The following INPP5A variants were observed in gnomAD, a reference collection of about 807,000 sequenced individuals.
INPP5A encodes inositol polyphosphate-5-phosphatase A.
Under a neutral mutation model 65.2 loss-of-function variants are expected in INPP5A, and 14 were observed. The ratio of observed to expected loss-of-function variants is 0.21; its 90% CI spans 0.14 to 0.34. The LOEUF (loss-of-function observed/expected upper bound fraction) is 0.34. Among genes scored for constraint, INPP5A ranks in the 10% least tolerant of loss-of-function variants. The probability of loss-of-function intolerance (pLI) is 1.00; values close to 1 mark genes in which losing one functional copy is unlikely to be tolerated. For missense variants in INPP5A, 431 were observed against 545.6 expected (o/e 0.79, Z 2.09); for synonymous variants, 207 against 208.3 (o/e 0.99, Z 0.05).
rs1253977904 is a variant in INPP5A, at chr10:132,663,968, C to T, written c.306+13463C>T. ...GCGTGATCGAGTGCCGTGTCACACG[C>T]AGCCCAGGAAACAAACACGCCGCGC... On this transcript the variant is annotated intron_variant, in intron 4 of 15. Coordinates refer to ENST00000368594, the MANE Select transcript of INPP5A (RefSeq NM_005539.5). This position sits in a 1 kb window ranked among gnomAD's most constrained non-coding sequence, Gnocchi z 4.5. Among the ~76,000 whole-genome samples the T allele has an allele frequency of 6.6e-6, 1 of 152,252 alleles. No individual in the cohort carries two copies. The highest frequency in any genetic ancestry group is 1.5e-5 in the Non-Finnish European group (1 of 68,048).
At chr10:132,691,133 G>A (rs532964460) in intron 5 of INPP5A, among the ~76,000 whole-genome samples, 17 of 152,232 alleles carry the variant, frequency 1.1e-4, no homozygotes, top group Admixed American at 8.5e-4. Context: ...CGTTTCGTTC[G>A]GATTCCGTGT....
At chr10:132,718,195 G>A (rs1346455365) in intron 8 of INPP5A, among the ~76,000 whole-genome samples, 9 of 135,102 alleles carry the variant, frequency 6.7e-5, no homozygotes, top group South Asian at 2.5e-4. Context: ...CGCCTTAGAC[G>A]GCTGTCTTCA....
At chr10:132,607,994 C>G in intron 2 of INPP5A, 38 bp downstream of exon 2, 3 of 1,596,984 alleles carry the variant, frequency 1.9e-6, no homozygotes, top group Non-Finnish European at 2.6e-6. Context: ...GGATTCATTA[C>G]TTAGCCAATA....
intron 12 of INPP5A, among the ~76,000 whole-genome samples, chr10:132,775,476 G>A (rs903941072): frequency 6.6e-6 from 1 of 152,132 alleles, no homozygotes; most frequent in Non-Finnish European, 1.5e-5. Context: ...GGGTACAGCG[G>A]TTGTGTGCAG....
intron 4 of INPP5A, among the ~76,000 whole-genome samples, chr10:132,665,082 G>A (rs1274159135): frequency 1.3e-5 from 2 of 152,342 alleles, no homozygotes; most frequent in East Asian, 3.9e-4. Flanking sequence ...AAGCCCTGTT[G>A]TGCATGAGGG....
At chr10:132,755,806 G>A (rs1291482685) in intron 11 of INPP5A, among the ~76,000 whole-genome samples, 1 of 152,168 alleles carries the variant, frequency 6.6e-6, no homozygotes, top group Non-Finnish European at 1.5e-5. Context: ...GAGGCTCCAG[G>A]GGCCTGACAC....
intron 3 of INPP5A, among the ~76,000 whole-genome samples, chr10:132,646,798 G>T (rs967416908): frequency 6.6e-6 from 1 of 152,102 alleles, no homozygotes; most frequent in Non-Finnish European, 1.5e-5. Context: ...TCTGTGGGCC[G>T]ACGCCGCTGC....
rs956585782 is a variant in INPP5A, at chr10:132,587,046, A to G, written c.76-20869A>G. Among the ~76,000 whole-genome samples, 3 of 152,244 alleles carry G rather than the reference A, an allele frequency of 2.0e-5. No individual in the cohort carries two copies. Among genetic ancestry groups the G allele is most frequent in the Non-Finnish European group, 4.4e-5 (3 of 68,042 alleles). On this transcript the variant is annotated intron_variant, in intron 1 of 15. Transcript: ENST00000368594. The surrounding 1 kb of genome is among the most constrained non-coding windows in gnomAD (Gnocchi z 4.3). ...CCCCCGCCATCGTTACGCTGTCATC[A>G]GCAAGATCACTGTCACTAGGACTGC...
chr10:132,730,370 G>C (rs1398583679), intron 9 of INPP5A, among the ~76,000 whole-genome samples: 4 of 152,252 alleles, frequency 2.6e-5, no homozygotes. Context: ...GTGCAGCCGG[G>C]TGGGCTGGTG....
chr10:132,583,887 G>A (rs544438941), intron 1 of INPP5A, among the ~76,000 whole-genome samples: 2 of 152,272 alleles, frequency 1.3e-5, no homozygotes, highest in Non-Finnish European at 2.9e-5. Flanking sequence ...TTCAAGACTA[G>A]CCTGGGCAAC....
At chr10:132,608,391 T>C (rs1420212192) in intron 2 of INPP5A, among the ~76,000 whole-genome samples, 1 of 151,942 alleles carries the variant, frequency 6.6e-6, no homozygotes, top group African/African-American at 2.4e-5. Context: ...GGTTGGAGGG[T>C]TTCGGGCTGG....
intron 9 of INPP5A, among the ~76,000 whole-genome samples, chr10:132,731,806 T>C (rs1846091573): frequency 6.6e-6 from 1 of 152,260 alleles, no homozygotes; most frequent in African/African-American, 2.4e-5. Flanking sequence ...GAAAGCCGCA[T>C]GTGCTCTGTG....
intron 3 of INPP5A, among the ~76,000 whole-genome samples, chr10:132,649,807 C>T (rs542963083): frequency 4.6e-5 from 7 of 152,296 alleles, no homozygotes; most frequent in South Asian, 2.1e-4. Flanking sequence ...CCATGCTTTG[C>T]GGAGATGGTG....
chr10:132,684,426 T>A (rs1020117203), intron 4 of INPP5A, among the ~76,000 whole-genome samples: 1 of 151,546 alleles, frequency 6.6e-6, no homozygotes, highest in Non-Finnish European at 1.5e-5. Flanking sequence ...ATATGTATGT[T>A]TGTCTATAGT....
At chr10:132,662,374 A>T (rs960431154) in intron 4 of INPP5A, among the ~76,000 whole-genome samples, 12 of 152,308 alleles carry the variant, frequency 7.9e-5, no homozygotes, top group African/African-American at 2.9e-4. Context: ...AATAGCCAAA[A>T]CCTGTCAACA....
At chr10:132,754,983 G>A (rs186640640) in intron 11 of INPP5A, among the ~76,000 whole-genome samples, 12 of 152,162 alleles carry the variant, frequency 7.9e-5, no homozygotes, top group South Asian at 2.1e-4. Flanking sequence ...GCATGTGTGC[G>A]GACGTGTGTG....
chr10:132,646,026 C>A, intron 3 of INPP5A, 58 bp downstream of exon 3: 1 of 1,184,968 alleles, frequency 8.4e-7, no homozygotes, highest in Non-Finnish European at 1.2e-6. Flanking sequence ...GGGGTGCCGG[C>A]GGGGGTCTTT....
chr10:132,609,310 T>C (rs776588875), intron 2 of INPP5A, among the ~76,000 whole-genome samples: 3 of 152,026 alleles, frequency 2.0e-5, no homozygotes, highest in Non-Finnish European at 2.9e-5. Context: ...ACTCCAGGAG[T>C]TGAAGCTGCC....
Position 132,550,656 on chromosome 10 carries a change from T to C in INPP5A, c.75+12485T>C, listed in dbSNP as rs1281673260. Among the ~76,000 whole-genome samples the C allele has an allele frequency of 1.3e-5, 2 of 152,212 alleles. No homozygotes were observed. The highest frequency in any genetic ancestry group is 1.9e-4 in the East Asian group (1 of 5,202). ...CTCGCTGGCCACAGGACGTCCACTGTAGGACAGCTGGGAGTGGGGGTGTCT... is the reference window on the plus strand; with the variant it reads ...CTCGCTGGCCACAGGACGTCCACTGCAGGACAGCTGGGAGTGGGGGTGTCT... On this transcript the variant is annotated intron_variant, in intron 1 of 15. Coordinates refer to ENST00000368594, the MANE Select transcript of INPP5A (RefSeq NM_005539.5). This position sits in a 1 kb window ranked among gnomAD's most constrained non-coding sequence, Gnocchi z 4.2.
Sources: allele counts gnomAD v4.1 joint callset (sites outside exome capture counted in the v4.1 genomes callset), GRCh38; gene constraint gnomAD v4.1.1; non-coding constraint Gnocchi (gnomAD v3.1); transcripts MANE v1.5; gene names NCBI Gene and HGNC (gene_info 2026-07-23, HGNC 2026-07-21).